CRIM1: variants seen among roughly 807,000 people sequenced by gnomAD.
The protein encoded by CRIM1 is cysteine-rich motor neuron 1 protein.
Under a neutral mutation model 116.4 loss-of-function variants are expected in CRIM1, and 32 were observed. The observed-to-expected ratio is 0.27, with a 90% CI of 0.21 to 0.37. The LOEUF (loss-of-function observed/expected upper bound fraction) is 0.37. Ranked by LOEUF, CRIM1 falls within the 10% of genes least tolerant of loss-of-function variation. The probability of loss-of-function intolerance (pLI) is 1.00; values close to 1 mark genes in which losing one functional copy is unlikely to be tolerated. For missense variants in CRIM1, 1,331 were observed against 1,354.8 expected (o/e 0.98, Z 0.28); for synonymous variants, 590 against 509.2 (o/e 1.16, Z -2.13).
intron 5 of CRIM1, among the ~76,000 whole-genome samples, chr2:36,476,452 G>A (rs1365858766): frequency 6.6e-6 from 1 of 152,112 alleles, no homozygotes; most frequent in Non-Finnish European, 1.5e-5. Context: ...AGCACTGGGG[G>A]AACAGAACAT....
intron 2 of CRIM1, among the ~76,000 whole-genome samples, chr2:36,422,977 A>G (rs1674182523): frequency 6.6e-6 from 1 of 152,216 alleles, no homozygotes; most frequent in East Asian, 1.9e-4. Flanking sequence ...CTTTCTTTCA[A>G]ATGAGCTTTT....
chr2:36,512,658 G>C (rs1330859530), intron 10 of CRIM1, among the ~76,000 whole-genome samples: 1 of 152,138 alleles, frequency 6.6e-6, no homozygotes, highest in East Asian at 1.9e-4. Flanking sequence ...ACTTCTATCA[G>C]GAACTTTAGC....
rs1667542203 is a variant in CRIM1, at chr2:36,548,818, C to A, written c.*117C>A. 2 of 827,892 alleles carry A rather than the reference C, an allele frequency of 2.4e-6. No individual in the cohort carries two copies. The highest frequency in any genetic ancestry group is 3.8e-6 in the Non-Finnish European group (2 of 530,888). The allele number at this position is 827,892 out of a possible 1,614,324, so 51.3% of individuals were successfully genotyped here. A position where few individuals can be genotyped will look rare whatever the true frequency, so the allele number is the denominator to read the frequency against. ...TTGTATTGGATTGTGACTTGATGTA[C>A]AGCGCTAAGACCTTACTGGGATGGG... is the stretch of plus-strand genomic sequence containing the variant. On this transcript the variant is annotated 3_prime_UTR_variant, in exon 17 of 17. Coordinates refer to ENST00000280527, the MANE Select transcript of CRIM1 (RefSeq NM_016441.3).
chr2:36,434,608 G>T (rs561385651), intron 2 of CRIM1, among the ~76,000 whole-genome samples: 1 of 152,160 alleles, frequency 6.6e-6, no homozygotes. Flanking sequence ...GAGTAGAGGC[G>T]TGCCCCACAC....
intron 2 of CRIM1, among the ~76,000 whole-genome samples, chr2:36,425,469 C>A (rs1003630548): frequency 6.6e-6 from 1 of 152,138 alleles, no homozygotes; most frequent in Non-Finnish European, 1.5e-5. Context: ...ATATTTCTAG[C>A]AGATTAAACT....
At chr2:36,495,028 C>G (rs1471768332) in intron 7 of CRIM1, among the ~76,000 whole-genome samples, 1 of 152,138 alleles carries the variant, frequency 6.6e-6, no homozygotes, top group Non-Finnish European at 1.5e-5. Flanking sequence ...AAGAGGCCTA[C>G]TAACACATTT....
Position 36,513,630 on chromosome 2 carries a change from G to A in CRIM1, c.1855G>A (p.Glu619Lys). Reference sequence around the variant, plus strand: ...CGTGGATGGTCATCATCATAAAAATGAGGAGAGCTGGCACGATGGGTGCCG... The same window carrying A: ...CGTGGATGGTCATCATCATAAAAATAAGGAGAGCTGGCACGATGGGTGCCG... ...LTVDGHHHKN[E>K]ESWHDGCREC... The change falls in exon 11 of 17, where the codon GAG becomes AAG. Residue 619 changes from glutamate to lysine, a missense_variant. Around this residue, in one of 3 missense-constraint regions of CRIM1, gnomAD observed 358 missense variants for 436.1 expected, o/e 0.82. Coordinates refer to ENST00000280527, the MANE Select transcript of CRIM1 (RefSeq NM_016441.3). 4 of 1,614,192 alleles carry A rather than the reference G, an allele frequency of 2.5e-6. No individual in the cohort carries two copies. The highest frequency in any genetic ancestry group is 2.5e-6 in the Non-Finnish European group (3 of 1,180,012).
At chr2:36,380,487 G>C (rs1044727874) in intron 1 of CRIM1, among the ~76,000 whole-genome samples, 3 of 152,160 alleles carry the variant, frequency 2.0e-5, no homozygotes, top group Admixed American at 6.5e-5. Flanking sequence ...AAGCCTTGGG[G>C]GCCTGCAAGC....
chr2:36,413,179 A>C (rs1673341170), intron 2 of CRIM1, among the ~76,000 whole-genome samples: 1 of 152,186 alleles, frequency 6.6e-6, no homozygotes, highest in African/African-American at 2.4e-5. Flanking sequence ...ATTTTCCTTG[A>C]ATGCTGCTGA....
chr2:36,406,469 C>A (rs544884764), intron 2 of CRIM1, among the ~76,000 whole-genome samples: 1 of 152,194 alleles, frequency 6.6e-6, no homozygotes, highest in East Asian at 1.9e-4. Context: ...CCCTGACCCA[C>A]CCGGAAGGTG....
At chr2:36,472,529 A>C (rs543126797) in intron 5 of CRIM1, among the ~76,000 whole-genome samples, 19 of 152,244 alleles carry the variant, frequency 1.2e-4, no homozygotes, top group African/African-American at 4.6e-4. Context: ...TTCTCTCGTC[A>C]GTCCCATCCC....
At chr2:36,479,766 CTTGT>C (rs1349477252) in intron 7 of CRIM1, 72 bp downstream of exon 7, 1 of 1,459,002 alleles carries the variant, frequency 6.9e-7, no homozygotes, top group Middle Eastern at 1.8e-4. Flanking sequence ...AGCGTACGTT[CTTGT>C]TTGTTTATTT....
intron 2 of CRIM1, among the ~76,000 whole-genome samples, chr2:36,412,977 C>G (rs1673322657): frequency 6.6e-6 from 1 of 151,896 alleles, no homozygotes; most frequent in African/African-American, 2.4e-5. Flanking sequence ...ATGAATATCC[C>G]CAGGAAAAAG....
At chr2:36,472,421 T>A (rs1678601926) in intron 5 of CRIM1, among the ~76,000 whole-genome samples, 1 of 152,186 alleles carries the variant, frequency 6.6e-6, no homozygotes. Context: ...CCTTAAAGAT[T>A]GATTGTGTTT....
At chr2:36,508,310 A>C (rs1044209081) in intron 8 of CRIM1, among the ~76,000 whole-genome samples, 1 of 152,240 alleles carries the variant, frequency 6.6e-6, no homozygotes, top group African/African-American at 2.4e-5. Flanking sequence ...TAAATATGCA[A>C]ATATTGCCAA....
At chr2:36,493,305 C>T (rs1246622550) in intron 7 of CRIM1, among the ~76,000 whole-genome samples, 1 of 151,846 alleles carries the variant, frequency 6.6e-6, no homozygotes, top group Non-Finnish European at 1.5e-5. Context: ...TAGAAATTTG[C>T]CTACAAAGAG....
intron 2 of CRIM1, among the ~76,000 whole-genome samples, chr2:36,435,109 G>T (rs975481180): frequency 1.3e-5 from 2 of 152,118 alleles, no homozygotes; most frequent in African/African-American, 4.8e-5. Context: ...AAGGGCCCCC[G>T]TGATACTCTA....
intron 12 of CRIM1, among the ~76,000 whole-genome samples, chr2:36,521,283 C>T (rs1665373869): frequency 6.6e-6 from 1 of 152,080 alleles, no homozygotes; most frequent in Non-Finnish European, 1.5e-5. Flanking sequence ...CATGATTTCT[C>T]TGTGGTTGCA....
chr2:36,406,548 C>G (rs932333451), intron 2 of CRIM1, among the ~76,000 whole-genome samples: 1 of 151,754 alleles, frequency 6.6e-6, no homozygotes. Flanking sequence ...CAGGAAAAAC[C>G]TTTGTGGGGG....
Sources: gnomAD v4.1 joint callset for allele counts (sites outside exome capture counted in the v4.1 genomes callset) on GRCh38, gnomAD v4.1.1 for gene constraint, gnomAD v4.1.1 regional missense constraint, MANE v1.5 for transcripts, NCBI Gene and HGNC (gene_info 2026-07-23, HGNC 2026-07-21) for gene names.